EMILIN2: variants seen among roughly 807,000 people sequenced by gnomAD.
The protein encoded by EMILIN2 is EMILIN-2.
In EMILIN2, 71 loss-of-function variants were observed where a neutral mutation model predicts 87.1. That is an observed-to-expected ratio of 0.82 (90% CI 0.67 to 0.99). The LOEUF is 0.99. Ranked by LOEUF, EMILIN2 falls within the 50% of genes least tolerant of loss-of-function variation. EMILIN2 has a pLI of 0.00. For missense variants in EMILIN2, 1,407 were observed against 1,371.8 expected (o/e 1.03, Z -0.40); for synonymous variants, 581 against 563.4 (o/e 1.03, Z -0.44).
intron 5 of EMILIN2, 74 bp from the exon 6 acceptor site, chr18:2,908,869 G>GA: frequency 6.3e-7 from 1 of 1,580,402 alleles, no homozygotes; most frequent in East Asian, 2.2e-5. Context: ...AGGAGCAGAG[G>GA]AAAAAGGGGG....
intron 2 of EMILIN2, among the ~76,000 whole-genome samples, chr18:2,854,770 G>A (rs1171895707): frequency 6.6e-6 from 1 of 152,162 alleles, no homozygotes; most frequent in Non-Finnish European, 1.5e-5. Context: ...CTGAGGCGTG[G>A]ATGACAGAGT....
chr18:2,891,248 C>G lies in EMILIN2; in HGVS notation c.1121C>G (p.Thr374Arg), dbSNP rs911513586. ...ATAGAGCTCATAGGGGAGAAGGAAA[C>G]AAGCCTGAGAAAAGAAATAAATAAC... is the stretch of plus-strand genomic sequence containing the variant. ...GVIELIGEKETSLRKEINNLR... is the reference protein window; with the variant it reads ...GVIELIGEKERSLRKEINNLR... The change falls in exon 4 of 8, where the codon ACA becomes AGA. Residue 374 changes from threonine to arginine, a missense_variant. Thr to Arg is a moderately conservative substitution (Grantham distance 71). Coordinates refer to ENST00000254528, the MANE Select transcript of EMILIN2 (RefSeq NM_032048.3). This position sits in a 1 kb window ranked among gnomAD's most constrained non-coding sequence, Gnocchi z 4.6. 1.9e-6 allele frequency: 3 copies of G among 1,614,062 alleles called. No individual in the cohort carries two copies. The highest frequency in any genetic ancestry group is 2.5e-6 in the Non-Finnish European group (3 of 1,180,038).
chr18:2,859,138 C>T (rs922453529), intron 2 of EMILIN2, among the ~76,000 whole-genome samples: 4 of 152,084 alleles, frequency 2.6e-5, no homozygotes, highest in Non-Finnish European at 5.9e-5. Context: ...TTAAGGAACC[C>T]CCATGCTGTT....
At chr18:2,884,190 T>A (rs898340599) in intron 2 of EMILIN2, among the ~76,000 whole-genome samples, 2 of 152,146 alleles carry the variant, frequency 1.3e-5, no homozygotes, top group Non-Finnish European at 2.9e-5. Context: ...TCTCCTGACC[T>A]CGTGATCCGC....
At chr18:2,905,775 G>GTTTTT (rs1006831509) in intron 4 of EMILIN2, among the ~76,000 whole-genome samples, 1 of 92,716 alleles carries the variant, frequency 1.1e-5, no homozygotes, top group Non-Finnish European at 2.2e-5. Flanking sequence ...GCTAATTTTT[G>GTTTTT]TTTTTTTGTT....
rs140338789 is a variant in EMILIN2, at chr18:2,847,919, C to G, written c.245C>G (p.Pro82Arg). The G allele has an allele frequency of 2.8e-4, 455 of 1,606,114 alleles. 1 individual carries two copies. In the African/African-American group the frequency reaches 5.7e-3, roughly 20 times the overall value. Residue 82 changes from proline (P) to arginine (R), a missense_variant, in exon 2 of 8, where the codon CCG (proline) becomes CGG (arginine). Coordinates refer to ENST00000254528, the MANE Select transcript of EMILIN2 (RefSeq NM_032048.3). The surrounding 1 kb of genome is among the most constrained non-coding windows in gnomAD (Gnocchi z 4.5). ...TGTGCCTGGAACCAGATGCCCTGTC[C>G]GTCGGCGCTGGTGTAAGTCCTGGAG... ...YNCAWNQMPC[P>R]SALVYRVNFR...
chr18:2,913,191 T>C lies in EMILIN2; in HGVS notation c.2949T>C (p.Ala983=), dbSNP rs758332327. 5.6e-6 allele frequency: 9 copies of C among 1,613,788 alleles called. No individual in the cohort carries two copies. In the South Asian group the frequency reaches 8.8e-5, roughly 16 times the overall value. Residue 983 remains alanine, a synonymous_variant, in exon 8 of 8, where the codon GCT becomes GCC. Coordinates refer to ENST00000254528, the MANE Select transcript of EMILIN2 (RefSeq NM_032048.3). The part of the protein sequence containing the change: ...SNASVAQLHT[A]GYRREFLEYH... ...CCAGCGTGGCCCAGCTGCATACCGC[T>C]GGGTACAGGAGAGAGTTCCTGGAAT...
rs112000088 is a variant in EMILIN2, at chr18:2,903,540, AC to A, written c.2360-3236del. 1.6e-3 allele frequency among the ~76,000 whole-genome samples: 239 copies of A among 150,874 alleles called. 2 individuals are homozygous for A. Among genetic ancestry groups the A allele is most frequent in the African/African-American group, 4.4e-3 (181 of 41,034 alleles). Reference sequence around the variant, plus strand: ...TATCAGCTTTAGACATTGTATATTGACCCCCCCTTCCTCCCAATTCCCAACA... The same window carrying A: ...TATCAGCTTTAGACATTGTATATTGACCCCCCTTCCTCCCAATTCCCAACA... On this transcript the variant is annotated intron_variant, in intron 4 of 7. Coordinates refer to ENST00000254528, the MANE Select transcript of EMILIN2 (RefSeq NM_032048.3).
In EMILIN2 at chr18:2,915,364, G is replaced by GCTGT. The variant is rs1474975244; in HGVS notation, c.*1963_*1966dup. On this transcript the variant is annotated 3_prime_UTR_variant, in exon 8 of 8. Coordinates refer to ENST00000254528, the MANE Select transcript of EMILIN2 (RefSeq NM_032048.3). ...AGGAGACATCTTTAGAAAGGGAAAGGCTGTCTTTTTGTACAGGTAGTAGAA... is the reference window on the plus strand; with the variant it reads ...AGGAGACATCTTTAGAAAGGGAAAGGCTGTCTGTCTTTTTGTACAGGTAGTAGAA... 1.3e-5 allele frequency: 2 copies of GCTGT among 152,228 alleles called. No homozygotes were observed. The highest frequency in any genetic ancestry group is 4.8e-5 in the African/African-American group (2 of 41,444). The allele number at this position is 152,228 out of a possible 1,614,324, so 9.4% of individuals were successfully genotyped here.
intron 2 of EMILIN2, among the ~76,000 whole-genome samples, chr18:2,858,553 A>ATGTGTGTG (rs1568454015): frequency 2.0e-5 from 1 of 50,044 alleles, no homozygotes; most frequent in African/African-American, 1.4e-4. Flanking sequence ...ATATATATAT[A>ATGTGTGTG]TATATATATA....
At chr18:2,876,494 C>T (rs1249743793) in intron 2 of EMILIN2, among the ~76,000 whole-genome samples, 4 of 149,254 alleles carry the variant, frequency 2.7e-5, no homozygotes, top group South Asian at 2.3e-4. Context: ...GCACCAGGCG[C>T]GGTGGCTCAC....
In EMILIN2 at chr18:2,848,253, C is replaced by A. The variant is rs1298254329; in HGVS notation, c.257+322C>A. 6.6e-6 allele frequency among the ~76,000 whole-genome samples: 1 copy of A among 152,216 alleles called. No individual in the cohort carries two copies. Among genetic ancestry groups the A allele is most frequent in the Non-Finnish European group, 1.5e-5 (1 of 68,046 alleles). On this transcript the variant is annotated intron_variant, in intron 2 of 7. Coordinates refer to ENST00000254528, the MANE Select transcript of EMILIN2 (RefSeq NM_032048.3). This position sits in a 1 kb window ranked among gnomAD's most constrained non-coding sequence, Gnocchi z 4.1. ...AATGTTTGTTTGTAACATAAGGCAG[C>A]TGAATCTAATTGGATCCATATTGTG...
At chr18:2,872,700 T>A (rs1389186053) in intron 2 of EMILIN2, among the ~76,000 whole-genome samples, 1 of 152,192 alleles carries the variant, frequency 6.6e-6, no homozygotes, top group Non-Finnish European at 1.5e-5. Context: ...GACTCTCTGA[T>A]CTATGACACA....
intron 4 of EMILIN2, among the ~76,000 whole-genome samples, chr18:2,902,430 G>A (rs909167964): frequency 2.7e-4 from 41 of 152,160 alleles, no homozygotes; most frequent in Non-Finnish European, 3.4e-4. Flanking sequence ...TGCAGAGGCA[G>A]GACTGTTCAA....
chr18:2,889,207 G>A lies in EMILIN2; in HGVS notation c.434-1354G>A, dbSNP rs1317801606. The stretch of plus-strand genomic sequence containing the variant: ...GACTGGAGTACAGCGGCACTATGTC[G>A]GCTCACTGCAACCTCCGCCTCCTGG... On this transcript the variant is annotated intron_variant, in intron 3 of 7. Transcript: ENST00000254528. Among the ~76,000 whole-genome samples, 10 of 137,426 alleles carry A rather than the reference G, an allele frequency of 7.3e-5. 1 individual carries two copies. The highest frequency in any genetic ancestry group is 2.0e-4 in the East Asian group (1 of 4,906). The allele number at this position is 137,426 out of a possible 152,430, so 90.2% of individuals were successfully genotyped here. A position where few individuals can be genotyped will look rare whatever the true frequency, so the allele number is the denominator to read the frequency against.
chr18:2,847,468 G>A lies in EMILIN2; in HGVS notation c.134+146G>A. The A allele has an allele frequency of 1.0e-6, 1 of 993,110 alleles. No homozygotes were observed. The highest frequency in any genetic ancestry group is 1.3e-6 in the Non-Finnish European group (1 of 760,232). The allele number at this position is 993,110 out of a possible 1,614,324, so 61.5% of individuals were successfully genotyped here. Reference sequence around the variant, plus strand: ...CGGGCGGCTCCCTCTGCGGGGGACCGCGCGCTCCGCAGCCGGCGCCTCAGG... The same window carrying A: ...CGGGCGGCTCCCTCTGCGGGGGACCACGCGCTCCGCAGCCGGCGCCTCAGG... On this transcript the variant is annotated intron_variant, in intron 1 of 7. Transcript: ENST00000254528. This position sits in a 1 kb window ranked among gnomAD's most constrained non-coding sequence, Gnocchi z 4.5.
rs565124274 is a variant in EMILIN2 at position 2,895,712 on chromosome 18, G to A, written c.2359+3226G>A. On this transcript the variant is annotated intron_variant, in intron 4 of 7. Coordinates refer to ENST00000254528, the MANE Select transcript of EMILIN2 (RefSeq NM_032048.3). Reference sequence around the variant, plus strand: ...CGGTGTCAAGTAGTCAGACTATGGCGACTGTCAAGGGAAAGTGGAAGCTGC... The same window carrying A: ...CGGTGTCAAGTAGTCAGACTATGGCAACTGTCAAGGGAAAGTGGAAGCTGC... Among the ~76,000 whole-genome samples, 25 of 152,332 alleles carry A rather than the reference G, an allele frequency of 1.6e-4. 1 individual carries two copies. In the East Asian group the frequency reaches 2.3e-3, roughly 14 times the overall value.
chr18:2,858,899 G>A (rs905981494), intron 2 of EMILIN2, among the ~76,000 whole-genome samples: 2 of 151,906 alleles, frequency 1.3e-5, no homozygotes, highest in Non-Finnish European at 2.9e-5. Context: ...GCCTCCCAAA[G>A]TGCTGGGATT....
intron 3 of EMILIN2, among the ~76,000 whole-genome samples, chr18:2,885,890 G>T (rs2076801389): frequency 6.6e-6 from 1 of 152,186 alleles, no homozygotes; most frequent in Non-Finnish European, 1.5e-5. Context: ...ATGCTTAAAT[G>T]ATTATATTTT....
Sources: gnomAD v4.1 joint callset for allele counts (sites outside exome capture counted in the v4.1 genomes callset) on GRCh38, gnomAD v4.1.1 for gene constraint, Gnocchi (gnomAD v3.1) non-coding constraint, MANE v1.5 for transcripts, NCBI Gene and HGNC (gene_info 2026-07-23, HGNC 2026-07-21) for gene names.